CCM2: variants seen among roughly 807,000 people sequenced by gnomAD.
CCM2 encodes the protein cerebral cavernous malformations 2 protein.
A neutral mutation model predicts 44.9 loss-of-function variants in CCM2; 25 were observed. The ratio of observed to expected loss-of-function variants is 0.56; its 90% CI spans 0.41 to 0.78. The LOEUF is 0.78. Ranked by LOEUF, CCM2 falls within the 30% of genes least tolerant of loss-of-function variation. CCM2 has a pLI of 0.00. For synonymous variants in CCM2, 219 were observed against 241.1 expected (o/e 0.91, Z 0.85); for missense variants, 481 against 580.6 (o/e 0.83, Z 1.76).
intron 1 of CCM2, among the ~76,000 whole-genome samples, chr7:45,010,009 A>T (rs1796005878): frequency 6.6e-6 from 1 of 151,974 alleles, no homozygotes; most frequent in Non-Finnish European, 1.5e-5. Context: ...TCCCAGACTC[A>T]AGTGATCCTC....
intron 2 of CCM2, among the ~76,000 whole-genome samples, chr7:45,039,971 G>A (rs1797405036): frequency 6.6e-6 from 1 of 152,122 alleles, no homozygotes; most frequent in South Asian, 2.1e-4. Flanking sequence ...AGGTTGCAGT[G>A]AGCCAAGATC....
rs1799293752 is a variant in CCM2 at position 45,075,412 on chromosome 7, C to T, written c.1055-365C>T. 1.3e-5 allele frequency among the ~76,000 whole-genome samples: 2 copies of T among 152,254 alleles called. 1 individual carries two copies. Among genetic ancestry groups the T allele is most frequent in the South Asian group, 4.1e-4 (2 of 4,836 alleles). On this transcript the variant is annotated intron_variant, in intron 9 of 9. Coordinates refer to ENST00000258781, the MANE Select transcript of CCM2 (RefSeq NM_031443.4). Reference sequence around the variant, plus strand: ...CCAGCAGGTGGCTTTGAGCACTGCTCTGGGCCTCAGCTTTCCCCACTGTAA... The same window carrying T: ...CCAGCAGGTGGCTTTGAGCACTGCTTTGGGCCTCAGCTTTCCCCACTGTAA...
intron 1 of CCM2, among the ~76,000 whole-genome samples, chr7:45,034,900 T>C (rs949842304): frequency 4.0e-5 from 6 of 151,884 alleles, no homozygotes; most frequent in African/African-American, 1.5e-4. Flanking sequence ...TGCAATGGCA[T>C]GATCACAGCT....
intron 1 of CCM2, among the ~76,000 whole-genome samples, chr7:45,022,865 C>T (rs1247296328): frequency 1.3e-5 from 2 of 151,868 alleles, no homozygotes; most frequent in South Asian, 2.1e-4. Context: ...CTCAGCCTCT[C>T]GAGTAGCTGG....
At chr7:45,051,399 T>G (rs1797998206) in intron 2 of CCM2, among the ~76,000 whole-genome samples, 1 of 151,842 alleles carries the variant, frequency 6.6e-6, no homozygotes. Flanking sequence ...ATTTATTTAT[T>G]TATTTATTTA....
At chr7:45,060,632 T>C (rs1205571188) in intron 2 of CCM2, among the ~76,000 whole-genome samples, 1 of 152,232 alleles carries the variant, frequency 6.6e-6, no homozygotes, top group Non-Finnish European at 1.5e-5. Flanking sequence ...TTTCTTTCGT[T>C]CTTTTTTCCC....
intron 1 of CCM2, 105 bp downstream of exon 1, chr7:45,000,468 G>C (rs1307477538): frequency 5.3e-6 from 2 of 375,450 alleles, no homozygotes; most frequent in Non-Finnish European, 8.0e-6. Context: ...GGGGGGGGCA[G>C]TGGGCCAGCT....
intron 2 of CCM2, among the ~76,000 whole-genome samples, chr7:45,046,366 C>G (rs1444385844): frequency 1.3e-5 from 2 of 152,202 alleles, no homozygotes; most frequent in Admixed American, 6.5e-5. Context: ...ATACTGCTAT[C>G]ACAATCAAGA....
chr7:45,054,416 C>A lies in CCM2; in HGVS notation c.205-9502C>A, dbSNP rs1798155431. Among the ~76,000 whole-genome samples, 6 of 152,082 alleles carry A rather than the reference C, an allele frequency of 3.9e-5. No individual in the cohort carries two copies. In the South Asian group the frequency reaches 1.2e-3, roughly 32 times the overall value. On this transcript the variant is annotated intron_variant, in intron 2 of 9. Transcript: ENST00000258781. ...TTCCTTCCCTGTTAGGGCCCAGACC[C>A]TGCCACGGGAACTTTATCAATCAAG...
chr7:45,075,885 A>G lies in CCM2; in HGVS notation c.1163A>G (p.His388Arg). 1 of 1,613,354 alleles carries G rather than the reference A, an allele frequency of 6.2e-7. No individual in the cohort carries two copies. The highest frequency in any genetic ancestry group is 8.5e-7 in the Non-Finnish European group (1 of 1,180,024). Reference sequence around the variant, plus strand: ...ATCATCACTGACAGCTTTGGCAGGCACCGGCGGGCCCTGAGCACCACATCC... The same window carrying G: ...ATCATCACTGACAGCTTTGGCAGGCGCCGGCGGGCCCTGAGCACCACATCC... ...RGIITDSFGR[H>R]RRALSTTSSS... The change falls in exon 10 of 10, where the codon CAC becomes CGC. Residue 388 changes from histidine (H) to arginine (R), a missense_variant. His to Arg is a conservative substitution (Grantham distance 29). Coordinates refer to ENST00000258781, the MANE Select transcript of CCM2 (RefSeq NM_031443.4).
At chr7:45,000,882 C>G (rs965105567) in intron 1 of CCM2, among the ~76,000 whole-genome samples, 4 of 152,210 alleles carry the variant, frequency 2.6e-5, no homozygotes, top group Non-Finnish European at 4.4e-5. Flanking sequence ...GGACATAGTT[C>G]ATAGTCAAAC....
In CCM2 at chr7:45,040,816, GTC is replaced by G. The variant is rs1199054640; in HGVS notation, c.204+2394_204+2395del. ...AGCCTGGCCAACATGGCGAAACCCT[GTC>G]TCTATTAAAAATGCCAGAAAAATTA... On this transcript the variant is annotated intron_variant, in intron 2 of 9. Coordinates refer to ENST00000258781, the MANE Select transcript of CCM2 (RefSeq NM_031443.4). Among the ~76,000 whole-genome samples the G allele has an allele frequency of 7.2e-5, 11 of 152,284 alleles. No individual in the cohort carries two copies. The South Asian group carries it at 1.7e-3, about 23-fold the overall frequency.
intron 1 of CCM2, among the ~76,000 whole-genome samples, chr7:45,007,114 A>G (rs1026604806): frequency 6.6e-6 from 1 of 152,204 alleles, no homozygotes; most frequent in Non-Finnish European, 1.5e-5. Context: ...CACTGTCAAC[A>G]TGGCCACGGA....
intron 1 of CCM2, among the ~76,000 whole-genome samples, chr7:45,025,818 G>A (rs1256390865): frequency 6.6e-6 from 1 of 152,236 alleles, no homozygotes; most frequent in African/African-American, 2.4e-5. Context: ...ACAGGCGGGA[G>A]CCACTGCACC....
chr7:45,073,923 C>T (rs138514053), intron 8 of CCM2: 2 of 517,924 alleles, frequency 3.9e-6, no homozygotes, highest in Non-Finnish European at 7.0e-6. Context: ...CTCAAGTCTT[C>T]CTGATTTGCC....
intron 2 of CCM2, among the ~76,000 whole-genome samples, chr7:45,054,093 G>C (rs1036843522): frequency 7.2e-5 from 11 of 152,086 alleles, no homozygotes; most frequent in African/African-American, 2.7e-4. Flanking sequence ...AGCACCTTGA[G>C]GTCCTCTCCC....
At chr7:45,011,484 A>G (rs759758782) in intron 1 of CCM2, among the ~76,000 whole-genome samples, 4 of 152,248 alleles carry the variant, frequency 2.6e-5, no homozygotes, top group Non-Finnish European at 5.9e-5. Context: ...GGTGTGAGCC[A>G]CTGTACCCAG....
At chr7:45,001,327 C>G (rs1795617889) in intron 1 of CCM2, among the ~76,000 whole-genome samples, 1 of 152,204 alleles carries the variant, frequency 6.6e-6, no homozygotes, top group East Asian at 1.9e-4. Context: ...CATGTTAGCA[C>G]CATGCATGTC....
chr7:45,019,487 G>T (rs1264762954), intron 1 of CCM2, among the ~76,000 whole-genome samples: 1 of 152,114 alleles, frequency 6.6e-6, no homozygotes, highest in Non-Finnish European at 1.5e-5. Flanking sequence ...GGTTTCAAAT[G>T]GATAGTCTCA....
Sources: allele counts gnomAD v4.1 joint callset (sites outside exome capture counted in the v4.1 genomes callset), GRCh38; gene constraint gnomAD v4.1.1; transcripts MANE v1.5; gene names NCBI Gene and HGNC (gene_info 2026-07-23, HGNC 2026-07-21).